The following TMCO5A variants were observed in gnomAD, a reference collection of about 807,000 sequenced individuals.
The protein encoded by TMCO5A is transmembrane and coiled-coil domain-containing protein 5A.
Under a neutral mutation model 42.3 loss-of-function variants are expected in TMCO5A, and 34 were observed. The observed-to-expected ratio is 0.80, with a 90% CI of 0.61 to 1.07. TMCO5A has a LOEUF of 1.07. TMCO5A is among the 50% of genes least tolerant of loss of function. The pLI, the probability that TMCO5A is intolerant of heterozygous loss-of-function variation, is 0.00. For synonymous variants in TMCO5A, 131 were observed against 115.6 expected (o/e 1.13, Z -0.86); for missense variants, 357 against 327.9 (o/e 1.09, Z -0.69).
chr15:37,953,490 C>A (rs1890210404), downstream of TMCO5A, among the ~76,000 whole-genome samples: 1 of 152,118 alleles, frequency 6.6e-6, no homozygotes, highest in Non-Finnish European at 1.5e-5. Context: ...TACAAGTTGG[C>A]AAGAACCACA....
intron 6 of TMCO5A, among the ~76,000 whole-genome samples, chr15:37,939,595 C>T (rs1318846403): frequency 6.6e-6 from 1 of 152,082 alleles, no homozygotes; most frequent in African/African-American, 2.4e-5. Context: ...TAGTCTTAGT[C>T]AGAATAATGG....
chr15:38,005,208 C>T, the TMCO5A span, among the ~76,000 whole-genome samples: 1 of 145,678 alleles, frequency 6.9e-6, no homozygotes, highest in Non-Finnish European at 1.5e-5. Flanking sequence ...ATGACAGTGC[C>T]AATTGTTTGG....
chr15:37,947,715 G>A lies in TMCO5A; in HGVS notation c.668+19G>A, dbSNP rs1032245852. On this transcript the variant is annotated intron_variant, in intron 11 of 11. Transcript: ENST00000319669. ...GTAAAAAGTAAGTAAAATATCTTCA[G>A]GTAAACTTCCTATAAAATTGGGAGC... 3 of 1,556,336 alleles carry A rather than the reference G, an allele frequency of 1.9e-6. No homozygotes were observed. The African/African-American group carries it at 4.1e-5, about 21-fold the overall frequency.
chr15:37,957,903 A>G (rs1461126035), intron 11 of TMCO5A, among the ~76,000 whole-genome samples: 3 of 152,218 alleles, frequency 2.0e-5, no homozygotes, highest in African/African-American at 7.2e-5. Context: ...ATATAGACTA[A>G]TGGAACAGAA....
the TMCO5A span, among the ~76,000 whole-genome samples, chr15:38,011,798 T>C: frequency 2.0e-5 from 3 of 152,306 alleles, no homozygotes; most frequent in East Asian, 5.8e-4. Context: ...TTTCCTGCTC[T>C]GAAAAATATG....
At chr15:37,991,578 A>G in the TMCO5A span, among the ~76,000 whole-genome samples, 12 of 152,200 alleles carry the variant, frequency 7.9e-5, 1 homozygote, top group South Asian at 2.3e-3. Flanking sequence ...CGCAACATGT[A>G]TGCTGGTCTG....
chr15:38,016,296 A>G, the TMCO5A span, among the ~76,000 whole-genome samples: 1 of 152,222 alleles, frequency 6.6e-6, no homozygotes, highest in Non-Finnish European at 1.5e-5. Flanking sequence ...CCCATTGCCA[A>G]TAACAGTGAA....
At chr15:38,031,959 CTTT>C in the TMCO5A span, among the ~76,000 whole-genome samples, 1 of 142,182 alleles carries the variant, frequency 7.0e-6, no homozygotes. Context: ...AGGACAATTG[CTTT>C]TTTTTTTTTT....
At chr15:38,004,540 G>A in the TMCO5A span, among the ~76,000 whole-genome samples, 23 of 152,154 alleles carry the variant, frequency 1.5e-4, no homozygotes, top group South Asian at 4.1e-4. Context: ...TGCTGGTGAA[G>A]CTTGTTGGAA....
chr15:37,998,531 G>A, the TMCO5A span, among the ~76,000 whole-genome samples: 6 of 151,650 alleles, frequency 4.0e-5, no homozygotes, highest in African/African-American at 1.2e-4. Context: ...ATATTTCTGG[G>A]GTCTCTATTT....
chr15:37,975,975 C>T, the TMCO5A span, among the ~76,000 whole-genome samples: 1 of 45,534 alleles, frequency 2.2e-5, no homozygotes, highest in South Asian at 1.0e-3. Flanking sequence ...AGGCATGGGG[C>T]CTCACGCCTG....
At chr15:38,026,062 T>C in the TMCO5A span, among the ~76,000 whole-genome samples, 3 of 152,086 alleles carry the variant, frequency 2.0e-5, no homozygotes, top group African/African-American at 4.8e-5. Context: ...AGCATGAAAA[T>C]GGACTAATAC....
At chr15:38,006,235 G>C in the TMCO5A span, among the ~76,000 whole-genome samples, 1 of 152,198 alleles carries the variant, frequency 6.6e-6, no homozygotes, top group Non-Finnish European at 1.5e-5. Context: ...CTTCATGAGA[G>C]GCAAGGTGGG....
chr15:37,989,489 T>C, the TMCO5A span, among the ~76,000 whole-genome samples: 1 of 152,070 alleles, frequency 6.6e-6, no homozygotes, highest in Non-Finnish European at 1.5e-5. Flanking sequence ...AGTTTTAGTA[T>C]GTTGTGTTTT....
At chr15:37,942,059 A>G in intron 8 of TMCO5A, 132 bp from the exon 9 acceptor site, 2 of 844,770 alleles carry the variant, frequency 2.4e-6, no homozygotes, top group Non-Finnish European at 3.8e-6. Context: ...GGTGAGTTTT[A>G]TGAAAGCAGA....
At chr15:38,006,358 ATGT>A in the TMCO5A span, among the ~76,000 whole-genome samples, 1 of 152,144 alleles carries the variant, frequency 6.6e-6, no homozygotes, top group Non-Finnish European at 1.5e-5. Flanking sequence ...AAGTATTGAA[ATGT>A]TGTATGGGAG....
the TMCO5A span, among the ~76,000 whole-genome samples, chr15:37,984,122 C>T: frequency 6.6e-6 from 1 of 152,182 alleles, no homozygotes; most frequent in East Asian, 1.9e-4. Flanking sequence ...TCATATTCCT[C>T]TCCATGCTTC....
At chr15:37,971,137 C>A (rs530599908), downstream of TMCO5A, among the ~76,000 whole-genome samples, 11 of 152,338 alleles carry the variant, frequency 7.2e-5, 1 homozygote, top group South Asian at 2.3e-3. Context: ...GCCCCTGTAG[C>A]AAACTTCTGC....
At chr15:37,951,807 G>C (rs1890166678), downstream of TMCO5A, among the ~76,000 whole-genome samples, 1 of 152,060 alleles carries the variant, frequency 6.6e-6, no homozygotes, top group Admixed American at 6.6e-5. Flanking sequence ...AAAATCAGGA[G>C]AGCACTCAGA....
Sources: allele counts gnomAD v4.1 joint callset (sites outside exome capture counted in the v4.1 genomes callset), GRCh38; gene constraint gnomAD v4.1.1; transcripts MANE v1.5; gene names NCBI Gene and HGNC (gene_info 2026-07-23, HGNC 2026-07-21).